Variants in CACNA2D1 observed in about 807,000 individuals in gnomAD.
The protein encoded by CACNA2D1 is calcium voltage-gated channel auxiliary subunit alpha2delta 1, also known as voltage-dependent calcium channel subunit alpha-2/delta-1.
CACNA2D1 carries 53 observed loss-of-function variants against 171.5 expected under a neutral mutation model. The observed-to-expected ratio is 0.31, with a 90% CI of 0.25 to 0.39. The LOEUF (loss-of-function observed/expected upper bound fraction) is 0.39, where lower values mean the gene tolerates loss of function less well. Among genes scored for constraint, CACNA2D1 ranks in the 10% least tolerant of loss-of-function variants. CACNA2D1 has a pLI of 1.00. For synonymous variants in CACNA2D1, 442 were observed against 443.1 expected (o/e 1.00, Z 0.03); for missense variants, 903 against 1,299.8 (o/e 0.69, Z 4.69).
chr7:82,418,368 T>C lies in CACNA2D1; in HGVS notation c.95+24997A>G, dbSNP rs535713808. 2.6e-5 allele frequency among the ~76,000 whole-genome samples: 4 copies of C among 152,150 alleles called. No homozygotes were observed. The South Asian group carries it at 8.3e-4, about 32-fold the overall frequency. ...GACACAGCCAAACCATATTAGACAA[T>C]AAGAGTAGAATGCATCTGAAATATT... On this transcript the variant is annotated intron_variant, in intron 1 of 38. Transcript: ENST00000356860.
intron 4 of CACNA2D1, among the ~76,000 whole-genome samples, chr7:82,145,746 G>A (rs1258505143): frequency 1.3e-5 from 2 of 148,792 alleles, no homozygotes; most frequent in Non-Finnish European, 3.0e-5. Context: ...ATACCTATAT[G>A]TACACCCTCT....
In CACNA2D1 at chr7:82,117,851, C is replaced by T. The variant is rs539731566; in HGVS notation, c.397-678G>A. On this transcript the variant is annotated intron_variant, in intron 5 of 38. Coordinates refer to ENST00000356860, the MANE Select transcript of CACNA2D1 (RefSeq NM_000722.4). ...ACTAGAGAGGTGCCTTTAAATACAA[C>T]CTAACTAATATTATCCACTTGAAAT... Among the ~76,000 whole-genome samples the T allele has an allele frequency of 2.0e-4, 31 of 152,070 alleles. 1 individual carries two copies. The highest frequency in any genetic ancestry group is 6.8e-3 in the Middle Eastern group (2 of 292).
At chr7:81,968,276 AC>A (rs1794915168) in intron 29 of CACNA2D1, among the ~76,000 whole-genome samples, 1 of 151,452 alleles carries the variant, frequency 6.6e-6, no homozygotes, top group African/African-American at 2.4e-5. Context: ...AATCAAAAAA[AC>A]TAATAGCTTT....
At chr7:82,401,364 T>C (rs1446926186) in intron 1 of CACNA2D1, among the ~76,000 whole-genome samples, 5 of 150,342 alleles carry the variant, frequency 3.3e-5, no homozygotes, top group African/African-American at 1.2e-4. Flanking sequence ...CACCATGGAA[T>C]ACTATGCAGC....
At chr7:82,421,273 C>T (rs1828691740) in intron 1 of CACNA2D1, among the ~76,000 whole-genome samples, 1 of 152,284 alleles carries the variant, frequency 6.6e-6, no homozygotes, top group Admixed American at 6.5e-5. Context: ...CTTTCAGAAG[C>T]AGATATCCCA....
chr7:81,953,459 T>C (rs916402158), intron 38 of CACNA2D1, among the ~76,000 whole-genome samples: 3 of 152,110 alleles, frequency 2.0e-5, no homozygotes, highest in African/African-American at 7.2e-5. Context: ...CCAAGCTGTT[T>C]ACTGCCTTTG....
At chr7:82,296,889 C>T (rs890392236) in intron 3 of CACNA2D1, among the ~76,000 whole-genome samples, 2 of 151,678 alleles carry the variant, frequency 1.3e-5, no homozygotes, top group East Asian at 1.9e-4. Context: ...TATGTATCTG[C>T]AAAAATCATT....
intron 19 of CACNA2D1, among the ~76,000 whole-genome samples, chr7:81,996,361 A>C (rs1267389815): frequency 6.6e-6 from 1 of 152,092 alleles, no homozygotes; most frequent in East Asian, 1.9e-4. Flanking sequence ...AATTATAATA[A>C]ATCATTAAAT....
intron 3 of CACNA2D1, among the ~76,000 whole-genome samples, chr7:82,221,997 G>A (rs1015582096): frequency 6.6e-6 from 1 of 151,682 alleles, no homozygotes. Context: ...AATACCAAAG[G>A]TTTTTACCAG....
chr7:82,095,935 A>C (rs1258750072), intron 6 of CACNA2D1, among the ~76,000 whole-genome samples: 1 of 152,180 alleles, frequency 6.6e-6, no homozygotes, highest in Non-Finnish European at 1.5e-5. Context: ...TGTTCTGAAG[A>C]GCGTGGTGTA....
At chr7:82,265,133 A>T (rs975373463) in intron 3 of CACNA2D1, among the ~76,000 whole-genome samples, 3 of 152,232 alleles carry the variant, frequency 2.0e-5, no homozygotes, top group Non-Finnish European at 4.4e-5. Flanking sequence ...TGCATCTGTC[A>T]CACAGAAAGC....
chr7:82,061,604 C>T (rs1806926854), intron 9 of CACNA2D1, among the ~76,000 whole-genome samples: 1 of 152,096 alleles, frequency 6.6e-6, no homozygotes, highest in Non-Finnish European at 1.5e-5. Flanking sequence ...TTCTTCCTGC[C>T]CGCTGCACTA....
At chr7:82,179,504 C>T (rs986722907) in intron 3 of CACNA2D1, among the ~76,000 whole-genome samples, 6 of 152,122 alleles carry the variant, frequency 3.9e-5, no homozygotes, top group African/African-American at 1.4e-4. Context: ...TGGTATGTCA[C>T]ACTAATTCCA....
chr7:82,341,575 A>C (rs1818638558), intron 2 of CACNA2D1, among the ~76,000 whole-genome samples: 1 of 152,192 alleles, frequency 6.6e-6, no homozygotes, highest in Non-Finnish European at 1.5e-5. Flanking sequence ...CTACTAAATA[A>C]AAATCAAGCT....
intron 3 of CACNA2D1, among the ~76,000 whole-genome samples, chr7:82,326,951 G>C (rs1263882014): frequency 6.6e-6 from 1 of 152,158 alleles, no homozygotes; most frequent in Admixed American, 6.5e-5. Flanking sequence ...ATTCTATTAA[G>C]TTTGTGCAAA....
At chr7:82,262,516 C>T (rs1486948456) in intron 3 of CACNA2D1, among the ~76,000 whole-genome samples, 2 of 152,020 alleles carry the variant, frequency 1.3e-5, no homozygotes, top group East Asian at 1.9e-4. Context: ...AGAGCATTGC[C>T]GCCAACTAAA....
intron 3 of CACNA2D1, among the ~76,000 whole-genome samples, chr7:82,230,061 A>G (rs149602369): frequency 6.3e-4 from 96 of 152,308 alleles, no homozygotes; most frequent in African/African-American, 2.0e-3. Context: ...TATCCAGAAA[A>G]GTGCACATTA....
chr7:82,315,777 T>C (rs986256345), intron 3 of CACNA2D1, among the ~76,000 whole-genome samples: 4 of 152,162 alleles, frequency 2.6e-5, no homozygotes, highest in African/African-American at 7.2e-5. Flanking sequence ...ACAAACAGTA[T>C]TGTATTTCAC....
At chr7:82,049,028 GTAAT>G (rs1299385086) in intron 10 of CACNA2D1, among the ~76,000 whole-genome samples, 1 of 148,568 alleles carries the variant, frequency 6.7e-6, no homozygotes, top group Admixed American at 6.8e-5. Flanking sequence ...AGTGTACCAT[GTAAT>G]TAATGGGAAA....
Sources: allele counts gnomAD v4.1 joint callset (sites outside exome capture counted in the v4.1 genomes callset), GRCh38; gene constraint gnomAD v4.1.1; transcripts MANE v1.5; gene names NCBI Gene and HGNC (gene_info 2026-07-23, HGNC 2026-07-21).